FGD6: variants seen among roughly 807,000 people sequenced by gnomAD.
The protein encoded by FGD6 is FYVE, RhoGEF and PH domain containing 6.
A neutral mutation model predicts 149.4 loss-of-function variants in FGD6; 90 were observed. The ratio of observed to expected loss-of-function variants is 0.60; its 90% CI spans 0.51 to 0.72. The LOEUF is 0.72. Among genes scored for constraint, FGD6 ranks in the 30% least tolerant of loss-of-function variants. The pLI is 0.00. For missense variants in FGD6, 1,437 were observed against 1,684.8 expected, an observed-to-expected ratio of 0.85 and a Z score of 2.57; for synonymous variants, 527 against 584.0, an observed-to-expected ratio of 0.90 and a Z score of 1.41.
At chr12:95,112,426 C>T (rs1253928694) in intron 9 of FGD6, among the ~76,000 whole-genome samples, 2 of 151,850 alleles carry the variant, frequency 1.3e-5, no homozygotes, top group African/African-American at 4.8e-5. Context: ...ATGGTGAAAC[C>T]CCATCTCTAC....
intron 3 of FGD6, among the ~76,000 whole-genome samples, chr12:95,165,182 T>C (rs1324884237): frequency 2.0e-5 from 3 of 152,192 alleles, no homozygotes; most frequent in African/African-American, 7.2e-5. Flanking sequence ...TCAGCTTCCA[T>C]GGCTGTACCA....
chr12:95,081,280 G>C lies in FGD6; in HGVS notation c.*240C>G, dbSNP rs1877663734. The C allele has an allele frequency of 2.9e-6, 1 of 348,152 alleles. No homozygotes were observed. Among genetic ancestry groups the C allele is most frequent in the Non-Finnish European group, 5.3e-6 (1 of 190,154 alleles). The allele number at this position is 348,152 out of a possible 1,614,324, so 21.6% of individuals were successfully genotyped here. A position where few individuals can be genotyped will look rare whatever the true frequency, so the allele number is the denominator to read the frequency against. ...TAAAGAAATGGTACTTTAGAATTCA[G>C]TGTGTCTCAGAAATAATTCTGACCA... On this transcript the variant is annotated 3_prime_UTR_variant, in exon 21 of 21. Coordinates refer to ENST00000343958, the MANE Select transcript of FGD6 (RefSeq NM_018351.4).
At chr12:95,170,755 C>T (rs1277283632) in intron 3 of FGD6, among the ~76,000 whole-genome samples, 1 of 152,206 alleles carries the variant, frequency 6.6e-6, no homozygotes, top group African/African-American at 2.4e-5. Flanking sequence ...TTTGTAGAAT[C>T]TATGTCCATG....
chr12:95,106,181 C>G (rs1003711181), intron 13 of FGD6, among the ~76,000 whole-genome samples: 4 of 151,816 alleles, frequency 2.6e-5, no homozygotes, highest in African/African-American at 9.7e-5. Context: ...AGGCTGGTCT[C>G]TAACTCTTGA....
intron 3 of FGD6, among the ~76,000 whole-genome samples, chr12:95,166,883 GTC>G: frequency 7.7e-6 from 1 of 130,648 alleles, no homozygotes; most frequent in East Asian, 2.2e-4. Flanking sequence ...TTGAGTCAGA[GTC>G]TCACTCTGTT....
intron 3 of FGD6, among the ~76,000 whole-genome samples, chr12:95,163,496 C>A (rs1880706548): frequency 6.6e-6 from 1 of 152,194 alleles, no homozygotes; most frequent in Non-Finnish European, 1.5e-5. Flanking sequence ...CCTCTAGTCT[C>A]CGATCTAATT....
chr12:95,215,782 G>C (rs1392428071), intron 1 of FGD6, among the ~76,000 whole-genome samples: 1 of 152,210 alleles, frequency 6.6e-6, no homozygotes, highest in Non-Finnish European at 1.5e-5. Flanking sequence ...ACATGCTTCT[G>C]TGCCTGTTCC....
At chr12:95,198,341 T>C (rs1410027906) in intron 2 of FGD6, among the ~76,000 whole-genome samples, 1 of 152,112 alleles carries the variant, frequency 6.6e-6, no homozygotes, top group African/African-American at 2.4e-5. Flanking sequence ...AACAATAATA[T>C]CTATCTTAAA....
chr12:95,162,265 G>A (rs1565912718), intron 3 of FGD6, among the ~76,000 whole-genome samples: 1 of 151,922 alleles, frequency 6.6e-6, no homozygotes, highest in Non-Finnish European at 1.5e-5. Flanking sequence ...GCTCACACCT[G>A]TAATCCCAGC....
chr12:95,120,043 A>C (rs1385408145), intron 8 of FGD6, among the ~76,000 whole-genome samples: 1 of 152,046 alleles, frequency 6.6e-6, no homozygotes, highest in African/African-American at 2.4e-5. Context: ...TCCCTGACCA[A>C]CATGGTGAAA....
chr12:95,209,009 C>G lies in FGD6; in HGVS notation c.2275G>C (p.Glu759Gln), dbSNP rs773293819. 2.5e-6 allele frequency: 4 copies of G among 1,614,134 alleles called. No individual in the cohort carries two copies. Among genetic ancestry groups the G allele is most frequent in the Non-Finnish European group, 2.5e-6 (3 of 1,180,030 alleles). Reference protein sequence around the residue: ...ENIRHYEEIPEYENLPFIMAI... With the variant: ...ENIRHYEEIPQYENLPFIMAI... ...ATAATAAATGGCAAGTTCTCGTACT[C>G]TGGTATTTCCTCATAATGGCGTATA... Residue 759 changes from glutamate to glutamine, a missense_variant, in exon 2 of 21, where the codon GAG becomes CAG. This residue lies in a region of FGD6 where 1,055 missense variants were observed against 1,146.0 expected (regional missense o/e 0.92). Coordinates refer to ENST00000343958, the MANE Select transcript of FGD6 (RefSeq NM_018351.4).
At position 95,077,710 on chromosome 12, in the gene FGD6, ACAG is replaced by A. The variant is rs754934856; in HGVS notation, c.*3807_*3809del. 5 of 152,262 alleles carry A rather than the reference ACAG, an allele frequency of 3.3e-5. No individual in the cohort carries two copies. Among genetic ancestry groups the A allele is most frequent in the Non-Finnish European group, 7.3e-5 (5 of 68,052 alleles). The allele number at this position is 152,262 out of a possible 1,614,324, so 9.4% of individuals were successfully genotyped here. On this transcript the variant is annotated 3_prime_UTR_variant, in exon 21 of 21. Coordinates refer to ENST00000343958, the MANE Select transcript of FGD6 (RefSeq NM_018351.4). Reference sequence around the variant, plus strand: ...GACTTGAACCAGGGCCTATGTAATAACAGCAGGGCAATGAGGATGGAAAGGATA... The same window carrying A: ...GACTTGAACCAGGGCCTATGTAATAACAGGGCAATGAGGATGGAAAGGATA...
chr12:95,171,835 C>T (rs1332935207), intron 3 of FGD6, among the ~76,000 whole-genome samples: 4 of 151,992 alleles, frequency 2.6e-5, no homozygotes, highest in African/African-American at 9.7e-5. Context: ...TTAAACAACT[C>T]TGAACACATA....
chr12:95,100,870 GA>G, intron 14 of FGD6: 1 of 384,940 alleles, frequency 2.6e-6, no homozygotes, highest in South Asian at 2.2e-5. Flanking sequence ...TGAGTTGGAA[GA>G]AAAGGGAATG....
At chr12:95,199,581 A>G (rs1275953312) in intron 2 of FGD6, among the ~76,000 whole-genome samples, 1 of 149,980 alleles carries the variant, frequency 6.7e-6, no homozygotes, top group African/African-American at 2.5e-5. Flanking sequence ...TAGTGGAGCT[A>G]TGGAAAGAAA....
At chr12:95,094,260 A>C (rs1458144169) in intron 15 of FGD6, among the ~76,000 whole-genome samples, 1 of 152,216 alleles carries the variant, frequency 6.6e-6, no homozygotes, top group Non-Finnish European at 1.5e-5. Context: ...TTTCTAATAC[A>C]AAATTAACTT....
intron 14 of FGD6, among the ~76,000 whole-genome samples, chr12:95,102,538 C>G (rs565519818): frequency 6.6e-6 from 1 of 151,846 alleles, no homozygotes; most frequent in South Asian, 2.1e-4. Context: ...CCTGCACTCT[C>G]TAAATATTGG....
At chr12:95,107,687 A>G (rs1878675811) in intron 11 of FGD6, 56 bp from the exon 12 acceptor site, 8 of 1,568,448 alleles carry the variant, frequency 5.1e-6, no homozygotes, top group African/African-American at 4.0e-5. Context: ...CAACGACAAT[A>G]TAATTTCCTT....
intron 6 of FGD6, among the ~76,000 whole-genome samples, chr12:95,140,199 T>G (rs1214691728): frequency 6.6e-5 from 10 of 152,242 alleles, no homozygotes; most frequent in African/African-American, 2.2e-4. Flanking sequence ...AACAGTAAAT[T>G]CAATCCTCCT....
Sources: gnomAD v4.1 joint callset for allele counts (sites outside exome capture counted in the v4.1 genomes callset) on GRCh38, gnomAD v4.1.1 for gene constraint, gnomAD v4.1.1 regional missense constraint, MANE v1.5 for transcripts, NCBI Gene and HGNC (gene_info 2026-07-23, HGNC 2026-07-21) for gene names.